Variants in NFKBIZ observed in about 807,000 individuals in gnomAD.
NFKBIZ encodes the protein NF-kappa-B inhibitor zeta.
In NFKBIZ, 19 loss-of-function variants were observed where a neutral mutation model predicts 76.8. That is an observed-to-expected ratio of 0.25 (90% confidence interval 0.17 to 0.36). The LOEUF is 0.36. NFKBIZ is among the 10% of genes least tolerant of loss of function. NFKBIZ has a pLI of 1.00. For missense variants in NFKBIZ, 829 were observed against 910.9 expected, an observed-to-expected ratio of 0.91 and a Z score of 1.16; for synonymous variants, 368 against 354.8, an observed-to-expected ratio of 1.04 and a Z score of -0.42.
rs374503110 is a variant in NFKBIZ at position 101,854,719 on chromosome 3, G to C, written c.1443+36G>C. The C allele has an allele frequency of 2.3e-5, 34 of 1,448,748 alleles. No individual in the cohort carries two copies. In the African/African-American group the frequency reaches 3.4e-4, roughly 14 times the overall value. 89.7% of individuals were successfully genotyped at this position (1,448,748 alleles called of 1,614,324 possible). A position where few individuals can be genotyped will look rare whatever the true frequency, so the allele number is the denominator to read the frequency against. ...TGACAGAGTCTGAAATGGCAAAGAG[G>C]GGGTCATGGTGAAGTGAATGATGAC... On this transcript the variant is annotated intron_variant, in intron 6 of 11. Transcript: ENST00000326172.
Position 101,855,414 on chromosome 3 carries a change from T to C in NFKBIZ, c.1610T>C (p.Val537Ala), listed in dbSNP as rs1395919358. ...CTGCAGGCGATTCAGAAGGGAGCAG[T>C]GGGAAGTAATCAGTTTGTGGATCTT... is the stretch of plus-strand genomic sequence containing the variant. Reference protein sequence around the residue: ...QVLQAIQKGAVGSNQFVDLEA... With the variant: ...QVLQAIQKGAAGSNQFVDLEA... Residue 537 changes from valine to alanine, a missense_variant, in exon 8 of 12, where the codon GTG (valine) becomes GCG (alanine). Transcript: ENST00000326172. The C allele has an allele frequency of 1.2e-6, 2 of 1,614,072 alleles. No homozygotes were observed. Among genetic ancestry groups the C allele is most frequent in the East Asian group, 4.5e-5 (2 of 44,894 alleles).
intron 6 of NFKBIZ, among the ~76,000 whole-genome samples, 178 bp from the exon 7 acceptor site, chr3:101,854,884 G>A (rs1943026318): frequency 6.6e-6 from 1 of 152,088 alleles, no homozygotes; most frequent in Non-Finnish European, 1.5e-5. Flanking sequence ...AACACTGAGA[G>A]TAATAAAGCC....
chr3:101,847,616 T>C (rs1300768979), upstream of NFKBIZ, among the ~76,000 whole-genome samples: 3 of 152,230 alleles, frequency 2.0e-5, no homozygotes, highest in Admixed American at 2.0e-4. Flanking sequence ...CACAGCATGT[T>C]ACTGTACTGA....
intron 2 of NFKBIZ, among the ~76,000 whole-genome samples, chr3:101,840,948 C>T (rs1942778579): frequency 6.6e-6 from 1 of 152,170 alleles, no homozygotes; most frequent in South Asian, 2.1e-4. Flanking sequence ...ACTCCGGGGA[C>T]ACTATTAATT....
chr3:101,852,863 A>G (rs1942989271), intron 3 of NFKBIZ, 23 bp from the exon 4 acceptor site: 1 of 1,606,710 alleles, frequency 6.2e-7, no homozygotes, highest in Admixed American at 1.7e-5. Flanking sequence ...ATGATGACAG[A>G]GGCTGTATTC....
At chr3:101,831,550 T>C (rs541277354) in intron 2 of NFKBIZ, among the ~76,000 whole-genome samples, 3 of 152,246 alleles carry the variant, frequency 2.0e-5, no homozygotes, top group South Asian at 4.1e-4. Context: ...ACAACGTTTT[T>C]AGTTTCTTTT....
chr3:101,834,744 A>G (rs1942693276), intron 2 of NFKBIZ, among the ~76,000 whole-genome samples: 1 of 152,226 alleles, frequency 6.6e-6, no homozygotes, highest in Non-Finnish European at 1.5e-5. Flanking sequence ...TTCCATGCCC[A>G]GGAGCACCAC....
intron 2 of NFKBIZ, chr3:101,829,701 G>A (rs1942619639): frequency 6.6e-6 from 1 of 152,114 alleles, no homozygotes; most frequent in African/African-American, 2.4e-5. Context: ...GAGAAGGGCT[G>A]ATATTTCTAA....
chr3:101,852,592 T>G, intron 2 of NFKBIZ, 146 bp from the exon 3 acceptor site: 1 of 604,468 alleles, frequency 1.7e-6, no homozygotes, highest in South Asian at 2.4e-5. Context: ...GAATAAAAAT[T>G]GATATAGAAA....
chr3:101,854,460 C>T (rs1028733459), intron 5 of NFKBIZ, 118 bp from the exon 6 acceptor site: 2 of 632,334 alleles, frequency 3.2e-6, no homozygotes. Flanking sequence ...TGTAATGTTT[C>T]ATTTGAGTGT....
intron 2 of NFKBIZ, among the ~76,000 whole-genome samples, chr3:101,836,752 A>G (rs560064101): frequency 2.3e-4 from 35 of 152,300 alleles, no homozygotes; most frequent in Admixed American, 4.6e-4. Flanking sequence ...AGAATCTCTA[A>G]ATATCCAACC....
chr3:101,846,223 G>A (rs961734696), upstream of NFKBIZ, among the ~76,000 whole-genome samples: 5 of 152,210 alleles, frequency 3.3e-5, no homozygotes, highest in African/African-American at 1.2e-4. Flanking sequence ...GTTGGCCTCA[G>A]TTGACTTTTC....
chr3:101,843,042 A>AAC (rs1553810824), intron 2 of NFKBIZ, among the ~76,000 whole-genome samples: 5 of 150,874 alleles, frequency 3.3e-5, no homozygotes, highest in African/African-American at 9.8e-5. Flanking sequence ...AAAAAAAAAA[A>AAC]AAAAAACTTC....
intron 2 of NFKBIZ, among the ~76,000 whole-genome samples, chr3:101,831,349 G>T (rs952950876): frequency 6.6e-6 from 1 of 152,186 alleles, no homozygotes; most frequent in African/African-American, 2.4e-5. Context: ...GGAAAAAGAT[G>T]TCTAAAAAGA....
intron 2 of NFKBIZ, among the ~76,000 whole-genome samples, chr3:101,831,800 C>A (rs1942651616): frequency 1.3e-5 from 2 of 152,148 alleles, no homozygotes; most frequent in South Asian, 4.2e-4. Context: ...GCCACCACGC[C>A]CAACTAATTT....
chr3:101,841,708 T>G (rs1037079367), intron 2 of NFKBIZ, among the ~76,000 whole-genome samples: 3 of 152,236 alleles, frequency 2.0e-5, no homozygotes, highest in Middle Eastern at 3.2e-3. Flanking sequence ...AATCAACATA[T>G]AAGATGATAT....
At position 101,855,785 on chromosome 3, in the gene NFKBIZ, A is replaced by G. The variant is rs114644877; in HGVS notation, c.1707A>G (p.Glu569=). ...AVIAHNAVVH[E]LQRNQQPHSP... ...TAGCCCACAATGCTGTGGTCCATGA[A>G]CTCCAGAGAAATCAACAGCCTCATT... is the stretch of plus-strand genomic sequence containing the variant. The change falls in exon 9 of 12, where the codon GAA becomes GAG. Residue 569 remains glutamate (E), a synonymous_variant. Coordinates refer to ENST00000326172, the MANE Select transcript of NFKBIZ (RefSeq NM_031419.4). 4.2e-4 allele frequency: 682 copies of G among 1,613,870 alleles called. 6 individuals carry two copies. In the African/African-American group the frequency reaches 7.8e-3, roughly 19 times the overall value.
intron 11 of NFKBIZ, 75 bp downstream of exon 11, chr3:101,857,534 A>T: frequency 6.3e-7 from 1 of 1,587,386 alleles, no homozygotes; most frequent in Non-Finnish European, 8.6e-7. Context: ...GAGGCTGTGC[A>T]GGGCGAAGGC....
intron 1 of NFKBIZ, among the ~76,000 whole-genome samples, chr3:101,851,102 A>T (rs751376233): frequency 6.6e-6 from 1 of 152,220 alleles, no homozygotes; most frequent in African/African-American, 2.4e-5. Context: ...TTACCCTATC[A>T]TTGAACTGTT....
Sources: allele counts gnomAD v4.1 joint callset (sites outside exome capture counted in the v4.1 genomes callset), GRCh38; gene constraint gnomAD v4.1.1; transcripts MANE v1.5; gene names NCBI Gene and HGNC (gene_info 2026-07-23, HGNC 2026-07-21).